The following ENOX1 variants were observed in gnomAD, a reference collection of about 807,000 sequenced individuals.
The protein encoded by ENOX1 is ecto-NOX disulfide-thiol exchanger 1, also known as candidate growth-related and time keeping constitutive hydroquinone (NADH) oxidase.
Under a neutral mutation model 82.5 loss-of-function variants are expected in ENOX1, and 42 were observed. That is an observed-to-expected ratio of 0.51 (90% CI 0.40 to 0.66). ENOX1 has a LOEUF of 0.66. Among genes scored for constraint, ENOX1 ranks in the 30% least tolerant of loss-of-function variants. ENOX1 has a pLI of 0.00. For synonymous variants in ENOX1, 271 were observed against 282.2 expected (o/e 0.96, Z 0.40); for missense variants, 608 against 811.6 (o/e 0.75, Z 3.05).
chr13:43,737,278 T>C (rs1594628625), intron 1 of ENOX1, among the ~76,000 whole-genome samples: 1 of 152,300 alleles, frequency 6.6e-6, no homozygotes, highest in East Asian at 1.9e-4. Flanking sequence ...GTCCTGAATA[T>C]GAATAGAGGT....
At chr13:43,256,322 A>C (rs1466850129) in intron 14 of ENOX1, among the ~76,000 whole-genome samples, 1 of 152,178 alleles carries the variant, frequency 6.6e-6, no homozygotes, top group African/African-American at 2.4e-5. Context: ...TCAAGCTAAA[A>C]AGTATTTGCA....
chr13:43,748,741 CATA>C (rs1420535520), intron 1 of ENOX1, among the ~76,000 whole-genome samples: 1 of 152,130 alleles, frequency 6.6e-6, no homozygotes, highest in South Asian at 2.1e-4. Context: ...CAGTACCAGA[CATA>C]ATAAGTACTA....
chr13:43,485,239 C>T (rs2076373266), intron 2 of ENOX1, among the ~76,000 whole-genome samples: 1 of 152,116 alleles, frequency 6.6e-6, no homozygotes, highest in Non-Finnish European at 1.5e-5. Flanking sequence ...ACACAGAGAC[C>T]CCCTGCAACT....
intron 14 of ENOX1, among the ~76,000 whole-genome samples, chr13:43,255,753 T>C (rs1319418252): frequency 6.6e-6 from 1 of 152,018 alleles, no homozygotes; most frequent in Non-Finnish European, 1.5e-5. Context: ...GAAAGACTGA[T>C]GAAGAAATTG....
At chr13:43,290,188 CAG>C (rs2045920675) in intron 12 of ENOX1, among the ~76,000 whole-genome samples, 1 of 152,152 alleles carries the variant, frequency 6.6e-6, no homozygotes, top group Admixed American at 6.5e-5. Context: ...GAACTTAAAA[CAG>C]AGCTATCATT....
chr13:43,485,963 C>A (rs1414356636), intron 2 of ENOX1, among the ~76,000 whole-genome samples: 1 of 152,170 alleles, frequency 6.6e-6, no homozygotes. Context: ...GTAATCCCAG[C>A]ACTTTGGGAG....
intron 1 of ENOX1, among the ~76,000 whole-genome samples, chr13:43,669,154 T>G (rs2085133617): frequency 6.6e-6 from 1 of 152,156 alleles, no homozygotes; most frequent in Non-Finnish European, 1.5e-5. Flanking sequence ...AGAGTGTCAA[T>G]GAAACTGCAA....
At chr13:43,558,567 A>C (rs1024109983) in intron 2 of ENOX1, among the ~76,000 whole-genome samples, 1 of 152,160 alleles carries the variant, frequency 6.6e-6, no homozygotes, top group Non-Finnish European at 1.5e-5. Flanking sequence ...GGAATTAGTC[A>C]CTATTTCCCT....
At chr13:43,262,145 T>C (rs2044107776) in intron 14 of ENOX1, among the ~76,000 whole-genome samples, 1 of 152,176 alleles carries the variant, frequency 6.6e-6, no homozygotes, top group Admixed American at 6.5e-5. Flanking sequence ...TATACATGAC[T>C]GGAAAAAACT....
At chr13:43,441,208 C>T (rs747954710) in intron 3 of ENOX1, among the ~76,000 whole-genome samples, 2 of 152,056 alleles carry the variant, frequency 1.3e-5, no homozygotes, top group Non-Finnish European at 2.9e-5. Flanking sequence ...TTGCATCCAG[C>T]GTATTAACTA....
chr13:43,460,893 T>C (rs1212616968), intron 3 of ENOX1, among the ~76,000 whole-genome samples: 4 of 147,598 alleles, frequency 2.7e-5, no homozygotes, highest in Non-Finnish European at 4.5e-5. Context: ...GAGAGAAGGA[T>C]TGGATATGGC....
chr13:43,602,774 C>G (rs1331198345), intron 2 of ENOX1, among the ~76,000 whole-genome samples: 1 of 151,848 alleles, frequency 6.6e-6, no homozygotes, highest in Non-Finnish European at 1.5e-5. Flanking sequence ...AAGGATAGGG[C>G]AATCTAAGTA....
rs2050122735 is a variant in ENOX1 at position 43,355,949 on chromosome 13, C to T, written c.793G>A (p.Glu265Lys). 6.2e-7 allele frequency: 1 copy of T among 1,613,638 alleles called. No homozygotes were observed. Among genetic ancestry groups the T allele is most frequent in the African/African-American group, 1.3e-5 (1 of 74,942 alleles). The stretch of plus-strand genomic sequence containing the variant: ...AGCTTTTCAGCCAGCAGAGCGGCTT[C>T]GTGCTCCGAGTAGTGCATTATGGCA... ...PPAIMHYSEH[E>K]AALLAEKLKD... Residue 265 changes from glutamate (E) to lysine (K), a missense_variant, in exon 8 of 17, where the codon GAA becomes AAA. Transcript: ENST00000690772.
chr13:43,744,742 G>A (rs1403953060), intron 1 of ENOX1, among the ~76,000 whole-genome samples: 1 of 152,102 alleles, frequency 6.6e-6, no homozygotes, highest in Non-Finnish European at 1.5e-5. Flanking sequence ...CAGCTATTAT[G>A]GAAAAATTAC....
intron 1 of ENOX1, among the ~76,000 whole-genome samples, chr13:43,739,043 A>T (rs762028741): frequency 1.3e-5 from 2 of 152,114 alleles, no homozygotes; most frequent in African/African-American, 2.4e-5. Context: ...CCTATCTCCC[A>T]TTTCCTCTAT....
At chr13:43,504,244 C>T (rs1241858070) in intron 2 of ENOX1, among the ~76,000 whole-genome samples, 1 of 151,704 alleles carries the variant, frequency 6.6e-6, no homozygotes, top group Non-Finnish European at 1.5e-5. Context: ...ATTGGTGCAA[C>T]CACTGTGGAA....
At chr13:43,302,847 G>A (rs1402540289) in intron 11 of ENOX1, among the ~76,000 whole-genome samples, 1 of 152,204 alleles carries the variant, frequency 6.6e-6, no homozygotes, top group Non-Finnish European at 1.5e-5. Context: ...GCCAGCCTCA[G>A]AAAAATAGTT....
chr13:43,363,491 T>C (rs535238131), intron 5 of ENOX1, among the ~76,000 whole-genome samples: 1 of 152,324 alleles, frequency 6.6e-6, no homozygotes, highest in South Asian at 2.1e-4. Flanking sequence ...AGAATGGTTT[T>C]CAACATCATC....
chr13:43,705,357 A>G (rs1363608608), intron 1 of ENOX1, among the ~76,000 whole-genome samples: 1 of 1,618 alleles, frequency 6.2e-4, no homozygotes, highest in Non-Finnish European at 4.5e-3. Flanking sequence ...TGTAATATAT[A>G]TATATGTAAC....
Sources: allele counts gnomAD v4.1 joint callset (sites outside exome capture counted in the v4.1 genomes callset), GRCh38; gene constraint gnomAD v4.1.1; transcripts MANE v1.5; gene names NCBI Gene and HGNC (gene_info 2026-07-23, HGNC 2026-07-21).